ANKHD1: variants seen among roughly 807,000 people sequenced by gnomAD.
The protein encoded by ANKHD1 is ankyrin repeat and KH domain containing 1.
Under a neutral mutation model 230.5 loss-of-function variants are expected in ANKHD1, and 31 were observed. That is an observed-to-expected ratio of 0.13 (90% CI 0.10 to 0.18). The LOEUF is 0.18. ANKHD1 is among the 10% of genes least tolerant of loss of function. The pLI, the probability that ANKHD1 is intolerant of heterozygous loss-of-function variation, is 1.00. For synonymous variants in ANKHD1, 1,074 were observed against 1,117.6 expected (o/e 0.96, Z 0.78); for missense variants, 2,256 against 3,071.3 (o/e 0.73, Z 6.27).
intron 1 of ANKHD1, among the ~76,000 whole-genome samples, chr5:140,404,967 C>CTGTGTG (rs35692572): frequency 3.0e-4 from 41 of 134,938 alleles, no homozygotes; most frequent in East Asian, 1.1e-3. Context: ...CTGTGCATGT[C>CTGTGTG]TGTGTGTGTG....
At chr5:140,417,706 G>A (rs899805406) in intron 1 of ANKHD1, among the ~76,000 whole-genome samples, 12 of 151,914 alleles carry the variant, frequency 7.9e-5, no homozygotes, top group African/African-American at 2.4e-4. Context: ...TGCCTGCGTC[G>A]GCCTCCCAGA....
At chr5:140,488,013 A>C (rs1751583830) in intron 14 of ANKHD1, among the ~76,000 whole-genome samples, 1 of 152,218 alleles carries the variant, frequency 6.6e-6, no homozygotes, top group Non-Finnish European at 1.5e-5. Context: ...TATTAATTTC[A>C]GAGATGAAAT....
At chr5:140,445,082 C>T (rs1774169925) in intron 5 of ANKHD1, among the ~76,000 whole-genome samples, 1 of 151,942 alleles carries the variant, frequency 6.6e-6, no homozygotes, top group Non-Finnish European at 1.5e-5. Flanking sequence ...TGGTCTCAAA[C>T]TCCCTGGGTT....
intron 17 of ANKHD1, 133 bp from the exon 18 acceptor site, chr5:140,505,591 G>A: frequency 5.9e-6 from 8 of 1,346,798 alleles, no homozygotes; most frequent in Non-Finnish European, 7.8e-6. Context: ...GTTTAGAGCA[G>A]TTTTATGTTA....
At chr5:140,466,368 G>A (rs1265862007) in intron 10 of ANKHD1, among the ~76,000 whole-genome samples, 1 of 147,714 alleles carries the variant, frequency 6.8e-6, no homozygotes, top group African/African-American at 2.5e-5. Flanking sequence ...TCCAGCCTGG[G>A]CAACAAGAGC....
At chr5:140,436,340 T>C in intron 2 of ANKHD1, 83 bp downstream of exon 2, 6 of 1,286,252 alleles carry the variant, frequency 4.7e-6, no homozygotes, top group Non-Finnish European at 6.0e-6. Context: ...CCCCAAATTC[T>C]ATAACATTAT....
intron 6 of ANKHD1, among the ~76,000 whole-genome samples, chr5:140,448,307 C>G (rs1319005423): frequency 1.3e-5 from 2 of 152,172 alleles, no homozygotes; most frequent in African/African-American, 4.8e-5. Context: ...TTAAATTCTT[C>G]CCAGGTTTTC....
Position 140,402,199 on chromosome 5 carries a change from A to C in ANKHD1, c.232A>C (p.Lys78Gln), listed in dbSNP as rs930951565. 1.9e-5 allele frequency: 29 copies of C among 1,524,370 alleles called. No individual in the cohort carries two copies. Among genetic ancestry groups the C allele is most frequent in the Non-Finnish European group, 2.5e-5 (28 of 1,140,652 alleles). 94.4% of individuals were successfully genotyped at this position (1,524,370 alleles called of 1,614,324 possible). ...TGGGDAALDF[K>Q]LAAAVLRTGG... ...CGGAGGGGACGCGGCGCTGGATTTC[A>C]AGTTGGCGGCTGCCGTGCTGAGGAC... is the stretch of plus-strand genomic sequence containing the variant. Residue 78 changes from lysine (K) to glutamine (Q), a missense_variant, in exon 1 of 34, where the codon AAG becomes CAG. Transcript: ENST00000360839.
At chr5:140,504,706 G>C (rs1752471586) in intron 15 of ANKHD1, 115 bp from the exon 16 acceptor site, 1 of 1,356,488 alleles carries the variant, frequency 7.4e-7, no homozygotes, top group Non-Finnish European at 9.9e-7. Flanking sequence ...CAAAGCTTGT[G>C]ATTTTACTAT....
chr5:140,509,580 A>G (rs1219732163), intron 20 of ANKHD1, 57 bp from the exon 21 acceptor site: 2 of 1,449,158 alleles, frequency 1.4e-6, no homozygotes, highest in Non-Finnish European at 1.8e-6. Flanking sequence ...GTTTTGGTCT[A>G]CGGAATAGTT....
chr5:140,506,810 TCTC>T lies in ANKHD1; in HGVS notation c.3409-24_3409-22del, dbSNP rs1752561927. On this transcript the variant is annotated intron_variant, in intron 18 of 33. Coordinates refer to ENST00000360839, the MANE Select transcript of ANKHD1 (RefSeq NM_017747.3). This position sits in a 1 kb window ranked among gnomAD's most constrained non-coding sequence, Gnocchi z 4.7. ...GTTGAGCCCTTGGTGTAAACTCTCT[TCTC>T]TATCCATATTTTACTTTGTAGGTGG... The T allele has an allele frequency of 2.5e-6, 4 of 1,613,424 alleles. No homozygotes were observed. Among genetic ancestry groups the T allele is most frequent in the Non-Finnish European group, 3.4e-6 (4 of 1,179,852 alleles).
chr5:140,435,761 C>A (rs1292678252), intron 1 of ANKHD1, among the ~76,000 whole-genome samples: 1 of 152,014 alleles, frequency 6.6e-6, no homozygotes, highest in Non-Finnish European at 1.5e-5. Flanking sequence ...TGTCAAACTC[C>A]TGAGCTCAAG....
At chr5:140,465,836 T>C (rs1213850289) in intron 10 of ANKHD1, among the ~76,000 whole-genome samples, 3 of 152,204 alleles carry the variant, frequency 2.0e-5, no homozygotes, top group Non-Finnish European at 2.9e-5. Flanking sequence ...CTGAGAATTG[T>C]GACAGCAATA....
intron 7 of ANKHD1, among the ~76,000 whole-genome samples, chr5:140,452,365 G>A (rs912224723): frequency 1.3e-5 from 2 of 152,182 alleles, no homozygotes; most frequent in Non-Finnish European, 2.9e-5. Context: ...CAGCTTTGAA[G>A]AGAGTAGTTG....
intron 9 of ANKHD1, among the ~76,000 whole-genome samples, chr5:140,462,770 C>T (rs1189169487): frequency 6.7e-6 from 1 of 148,154 alleles, no homozygotes; most frequent in Admixed American, 6.7e-5. Context: ...GTCTTTTTTT[C>T]CCCCTTTATC....
chr5:140,485,217 C>T lies in ANKHD1; in HGVS notation c.1967C>T (p.Ala656Val). The T allele has an allele frequency of 6.2e-7, 1 of 1,613,782 alleles. No individual in the cohort carries two copies. Reference protein sequence around the residue: ...GHLAVVELLLAHGADPTHRLK... With the variant: ...GHLAVVELLLVHGADPTHRLK... ...CTGGCAGTTGTTGAGCTTCTCTTGG[C>T]TCATGGGGCTGACCCTACTCATCGA... is the stretch of plus-strand genomic sequence containing the variant. Residue 656 changes from alanine (A) to valine (V), a missense_variant, in exon 12 of 34, where the codon GCT becomes GTT. Around this residue, in one of 13 missense-constraint regions of ANKHD1, gnomAD observed 23 missense variants for 51.8 expected, o/e 0.44. Coordinates refer to ENST00000360839, the MANE Select transcript of ANKHD1 (RefSeq NM_017747.3). This position sits in a 1 kb window ranked among gnomAD's most constrained non-coding sequence, Gnocchi z 4.8.
chr5:140,403,945 T>C (rs1770204248), intron 1 of ANKHD1, among the ~76,000 whole-genome samples: 1 of 152,158 alleles, frequency 6.6e-6, no homozygotes, highest in Admixed American at 6.5e-5. Flanking sequence ...CTGAACAGGG[T>C]TTTATTTAAT....
At chr5:140,524,337 T>G in intron 25 of ANKHD1, 97 bp downstream of exon 25, 1 of 1,403,132 alleles carries the variant, frequency 7.1e-7, no homozygotes, top group East Asian at 2.8e-5. Context: ...AGTTAAACAT[T>G]TGATTACTTT....
At chr5:140,497,441 G>A (rs577830171) in intron 15 of ANKHD1, among the ~76,000 whole-genome samples, 163 bp downstream of exon 15, 4 of 152,296 alleles carry the variant, frequency 2.6e-5, no homozygotes, top group South Asian at 4.1e-4. Flanking sequence ...ATGCTCAATA[G>A]CACTAACACA....
Sources: gnomAD v4.1 joint callset for allele counts (sites outside exome capture counted in the v4.1 genomes callset) on GRCh38, gnomAD v4.1.1 for gene constraint, gnomAD v4.1.1 regional missense constraint, Gnocchi (gnomAD v3.1) non-coding constraint, MANE v1.5 for transcripts, NCBI Gene and HGNC (gene_info 2026-07-23, HGNC 2026-07-21) for gene names.